The following FREM2 variants were observed in gnomAD, a reference collection of about 807,000 sequenced individuals.
The protein encoded by FREM2 is FRAS1 related extracellular matrix 2, also known as FRAS1-related extracellular matrix protein 2.
FREM2 carries 119 observed loss-of-function variants against 219.9 expected under a neutral mutation model. The ratio of observed to expected loss-of-function variants is 0.54; its 90% CI spans 0.47 to 0.63. FREM2 has a LOEUF of 0.63. Among genes scored for constraint, FREM2 ranks in the 30% least tolerant of loss-of-function variants. The probability of loss-of-function intolerance (pLI) is 0.00; values close to 1 mark genes in which losing one functional copy is unlikely to be tolerated. For synonymous variants in FREM2, 1,562 were observed against 1,522.8 expected (o/e 1.03, Z -0.60); for missense variants, 4,030 against 3,993.6 (o/e 1.01, Z -0.25).
Position 38,688,040 on chromosome 13 carries a change from A to T in FREM2, c.696A>T (p.Glu232Asp), listed in dbSNP as rs202014461. The change falls in exon 1 of 24, where the codon GAA becomes GAT. Residue 232 changes from glutamate to aspartate, a missense_variant. Physicochemically the swap from Glu to Asp is conservative, Grantham distance 45. Around this residue, in one of 2 missense-constraint regions of FREM2, gnomAD observed 3,102 missense variants for 2,950.7 expected, o/e 1.05. Transcript: ENST00000280481. ...TGGGCGCGCTGCCTCGCTATGGAGA[A>T]CTCCTCCACTACCCGCAGGTCCCTG... ...SGLGALPRYGELLHYPQVPGG... is the reference protein window; with the variant it reads ...SGLGALPRYGDLLHYPQVPGG... 1.2e-6 allele frequency: 2 copies of T among 1,608,568 alleles called. No individual in the cohort carries two copies. The highest frequency in any genetic ancestry group is 1.7e-6 in the Non-Finnish European group (2 of 1,175,924).
chr13:38,713,660 A>G (rs2442365), intron 2 of FREM2, among the ~76,000 whole-genome samples: 1 of 151,990 alleles, frequency 6.6e-6, no homozygotes, highest in African/African-American at 2.4e-5. Flanking sequence ...ATTTCACAAG[A>G]CAACCTACAT....
At chr13:38,861,347 T>C (rs1409465299) in intron 14 of FREM2, 84 bp from the exon 15 acceptor site, 2 of 1,408,244 alleles carry the variant, frequency 1.4e-6, no homozygotes, top group Non-Finnish European at 2.0e-6. Context: ...CACAGAAAAA[T>C]AATAGCTCCT....
At chr13:38,876,981 G>A in intron 20 of FREM2, 136 bp from the exon 21 acceptor site, 1 of 1,043,044 alleles carries the variant, frequency 9.6e-7, no homozygotes, top group Non-Finnish European at 1.5e-6. Flanking sequence ...CTCTGAGTTA[G>A]CTTGGTAGGG....
chr13:38,723,251 A>C (rs1871370354), intron 2 of FREM2, among the ~76,000 whole-genome samples: 1 of 151,976 alleles, frequency 6.6e-6, no homozygotes, highest in Non-Finnish European at 1.5e-5. Context: ...TAAAAATAAA[A>C]AATAAAAAAT....
At position 38,882,462 on chromosome 13, in the gene FREM2, G is replaced by T. The variant is rs187390888; in HGVS notation, c.*1675G>T. The T allele has an allele frequency of 6.6e-6, 1 of 152,284 alleles. No individual in the cohort carries two copies. Among genetic ancestry groups the T allele is most frequent in the Admixed American group, 6.5e-5 (1 of 15,298 alleles). 9.4% of individuals were successfully genotyped at this position (152,284 alleles called of 1,614,324 possible). A position where few individuals can be genotyped will look rare whatever the true frequency, so the allele number is the denominator to read the frequency against. ...GATAAGGAAGCAACACTGATACTGA[G>T]AGAGAGGTCATATGTCCAATAGTTG... is the stretch of plus-strand genomic sequence containing the variant. On this transcript the variant is annotated 3_prime_UTR_variant, in exon 24 of 24. Transcript: ENST00000280481.
intron 2 of FREM2, among the ~76,000 whole-genome samples, chr13:38,728,210 A>G (rs1028790150): frequency 1.3e-5 from 2 of 151,726 alleles, no homozygotes; most frequent in Admixed American, 1.3e-4. Flanking sequence ...CTATCTAGTA[A>G]TTTTCTGAAT....
intron 3 of FREM2, among the ~76,000 whole-genome samples, chr13:38,768,369 T>G (rs1416378872): frequency 6.6e-6 from 1 of 152,122 alleles, no homozygotes; most frequent in Non-Finnish European, 1.5e-5. Flanking sequence ...AGTCTTGACC[T>G]CCTAGGGCTC....
intron 2 of FREM2, among the ~76,000 whole-genome samples, chr13:38,710,152 CCAGCCTGGGTGA>C (rs546892444): frequency 1.2e-4 from 18 of 151,990 alleles, no homozygotes; most frequent in African/African-American, 4.3e-4. Flanking sequence ...CGACTGCACT[CCAGCCTGGGTGA>C]CAGAGTGAGT....
intron 4 of FREM2, among the ~76,000 whole-genome samples, chr13:38,774,282 A>G (rs1353963053): frequency 1.3e-5 from 2 of 152,176 alleles, no homozygotes; most frequent in Non-Finnish European, 2.9e-5. Context: ...AAAATAATCA[A>G]GACCAATTCA....
Position 38,690,541 on chromosome 13 carries a change from C to T in FREM2, c.3197C>T (p.Ala1066Val). 3 of 1,614,096 alleles carry T rather than the reference C, an allele frequency of 1.9e-6. No individual in the cohort carries two copies. Among genetic ancestry groups the T allele is most frequent in the Non-Finnish European group, 2.5e-6 (3 of 1,180,000 alleles). The change falls in exon 1 of 24, where the codon GCC (alanine) becomes GTC (valine). Residue 1066 changes from alanine to valine, a missense_variant. Coordinates refer to ENST00000280481, the MANE Select transcript of FREM2 (RefSeq NM_207361.6). Reference sequence around the variant, plus strand: ...ACCATCCTGCCTGTTGATAGCCAGGCCCCAGAAATCTTTGTAGGTGAACAG... The same window carrying T: ...ACCATCCTGCCTGTTGATAGCCAGGTCCCAGAAATCTTTGTAGGTGAACAG... The part of the protein sequence containing the change: ...WVTILPVDSQ[A>V]PEIFVGEQLI...
chr13:38,692,130 G>A lies in FREM2; in HGVS notation c.4786G>A (p.Asp1596Asn), dbSNP rs1256929581. Residue 1596 changes from aspartate (D) to asparagine (N), a missense_variant, in exon 1 of 24, where the codon GAC becomes AAC. Physicochemically the swap from Asp to Asn is conservative, Grantham distance 23 (BLOSUM62 1). Around this residue, in one of 2 missense-constraint regions of FREM2, gnomAD observed 3,102 missense variants for 2,950.7 expected, o/e 1.05. Transcript: ENST00000280481. ...TRPVMVFTKQ[D>N]LNENLISYKH... ...ACCTGTCATGGTTTTTACCAAGCAA[G>A]ACTTGAATGAAAACTTAATCAGCTA... 3 of 1,614,096 alleles carry A rather than the reference G, an allele frequency of 1.9e-6. No homozygotes were observed. In the African/African-American group the frequency reaches 4.0e-5, roughly 22 times the overall value.
chr13:38,849,341 A>G (rs753281211), intron 8 of FREM2, among the ~76,000 whole-genome samples: 39 of 152,192 alleles, frequency 2.6e-4, no homozygotes, highest in Non-Finnish European at 5.1e-4. Flanking sequence ...GGGTGGAACC[A>G]TGTGGAACTG....
intron 6 of FREM2, among the ~76,000 whole-genome samples, chr13:38,844,625 A>G (rs1877083093): frequency 6.6e-6 from 1 of 152,038 alleles, no homozygotes; most frequent in Non-Finnish European, 1.5e-5. Flanking sequence ...GTCTGTGAGG[A>G]GTTGGGAGAT....
chr13:38,767,818 T>A (rs1477320934), intron 3 of FREM2, among the ~76,000 whole-genome samples: 1 of 152,218 alleles, frequency 6.6e-6, no homozygotes, highest in Non-Finnish European at 1.5e-5. Flanking sequence ...TCTCTTGCCA[T>A]TAAATGAATC....
At position 38,691,887 on chromosome 13, in the gene FREM2, C is replaced by A. The variant is rs765714454; in HGVS notation, c.4543C>A (p.Arg1515Ser). Residue 1515 changes from arginine (R) to serine (S), a missense_variant, in exon 1 of 24, where the codon CGT (arginine) becomes AGT (serine). By Grantham distance (110) the Arg-to-Ser change is moderately radical. Transcript: ENST00000280481. The part of the protein sequence containing the change: ...DSFEFQVTDG[R>S]NPVFRTFRIS... ...TTTTGAGTTTCAAGTCACCGATGGACGTAACCCTGTCTTTCGGACATTCCG... is the reference window on the plus strand; with the variant it reads ...TTTTGAGTTTCAAGTCACCGATGGAAGTAACCCTGTCTTTCGGACATTCCG... 2 of 1,614,152 alleles carry A rather than the reference C, an allele frequency of 1.2e-6. No individual in the cohort carries two copies. The highest frequency in any genetic ancestry group is 1.7e-6 in the Non-Finnish European group (2 of 1,180,032).
intron 2 of FREM2, among the ~76,000 whole-genome samples, chr13:38,751,857 A>T (rs893563902): frequency 8.9e-6 from 1 of 112,130 alleles, no homozygotes; most frequent in Admixed American, 1.0e-4. Context: ...TTGTTTTTGT[A>T]CTTACTCTGT....
At chr13:38,830,410 C>T (rs1470081078) in intron 6 of FREM2, among the ~76,000 whole-genome samples, 1 of 152,160 alleles carries the variant, frequency 6.6e-6, no homozygotes, top group Admixed American at 6.5e-5. Context: ...CTCCACTGCC[C>T]TAGCTCAAGA....
chr13:38,769,354 C>A (rs1013934544), intron 3 of FREM2, among the ~76,000 whole-genome samples: 1 of 152,106 alleles, frequency 6.6e-6, no homozygotes, highest in African/African-American at 2.4e-5. Flanking sequence ...GCATATATAG[C>A]AAAACCATAA....
intron 3 of FREM2, among the ~76,000 whole-genome samples, chr13:38,768,971 A>C (rs912005817): frequency 6.6e-6 from 1 of 152,234 alleles, no homozygotes; most frequent in African/African-American, 2.4e-5. Context: ...ATTTAATTTC[A>C]TGGAATTCTG....
Sources: gnomAD v4.1 joint callset for allele counts (sites outside exome capture counted in the v4.1 genomes callset) on GRCh38, gnomAD v4.1.1 for gene constraint, gnomAD v4.1.1 regional missense constraint, MANE v1.5 for transcripts, NCBI Gene and HGNC (gene_info 2026-07-23, HGNC 2026-07-21) for gene names.